Variants in MSLN observed in about 807,000 individuals in gnomAD.
MSLN encodes the protein CAK1 antigen.
A neutral mutation model predicts 72.6 loss-of-function variants in MSLN; 82 were observed. The ratio of observed to expected loss-of-function variants is 1.13; its 90% CI spans 0.94 to 1.36. MSLN has a LOEUF of 1.36. MSLN is among the 40% of genes most tolerant of loss of function. MSLN has a pLI of 0.00. For synonymous variants in MSLN, 456 were observed against 387.3 expected (o/e 1.18, Z -2.08); for missense variants, 1,005 against 847.9 (o/e 1.19, Z -2.30).
At chr16:767,136 C>A (rs1271684052) in intron 15 of MSLN, 124 bp downstream of exon 15, 1 of 1,450,362 alleles carries the variant, frequency 6.9e-7, no homozygotes, top group East Asian at 2.3e-5. Flanking sequence ...TGGTCACCCG[C>A]CCTCTGCCCC....
At chr16:764,834 C>G (rs2041583076) in intron 7 of MSLN, 73 bp from the exon 8 acceptor site, 1 of 1,587,818 alleles carries the variant, frequency 6.3e-7, no homozygotes, top group African/African-American at 1.3e-5. Flanking sequence ...GATGTGGAGG[C>G]CGGCCGGGCT....
At position 766,358 on chromosome 16, in the gene MSLN, G is replaced by A. The variant is rs746348888; in HGVS notation, c.1098G>A (p.Glu366=). The change falls in exon 13 of 18, where the codon GAG becomes GAA. Residue 366 remains glutamate, a synonymous_variant. Transcript: ENST00000545450. ...LDELYPQGYP[E]SVIQHLGYLF... ...AGCTCTACCCACAAGGTTACCCCGA[G>A]TCTGTGATCCAGCACCTGGGCTACC... The A allele has an allele frequency of 4.3e-6, 7 of 1,612,722 alleles. No individual in the cohort carries two copies. The Admixed American group carries it at 6.7e-5, about 15-fold the overall frequency.
Position 766,229 on chromosome 16 carries a change from C to G in MSLN, c.1066C>G (p.Leu356Val), listed in dbSNP as rs1295077979. ...GCAGCTGGACGTCCTAAAGCATAAA[C>G]TGGATGAGGTAGTTCATGACTCAAG... ...YEQLDVLKHK[L>V]DELYPQGYPE... The change falls in exon 12 of 18, where the codon CTG becomes GTG. Residue 356 changes from leucine to valine, a missense_variant. Physicochemically the swap from Leu to Val is conservative, Grantham distance 32. Transcript: ENST00000545450. 1.2e-6 allele frequency: 2 copies of G among 1,610,512 alleles called. No homozygotes were observed. Among genetic ancestry groups the G allele is most frequent in the African/African-American group, 1.3e-5 (1 of 75,012 alleles).
chr16:764,501 C>A, intron 6 of MSLN, 146 bp from the exon 7 acceptor site: 1 of 799,026 alleles, frequency 1.3e-6, no homozygotes, highest in Non-Finnish European at 2.2e-6. Context: ...CCCAGGGCAG[C>A]GCTGCAGGCG....
rs1401166148 is a variant in MSLN, at chr16:766,894, G to T, written c.1383G>T (p.Arg461Ser). The T allele has an allele frequency of 6.2e-7, 1 of 1,612,404 alleles. No homozygotes were observed. Among genetic ancestry groups the T allele is most frequent in the African/African-American group, 1.3e-5 (1 of 74,892 alleles). Residue 461 changes from arginine to serine, a missense_variant, in exon 15 of 18, where the codon AGG (arginine) becomes AGT (serine). Physicochemically the swap from Arg to Ser is moderately radical, Grantham distance 110 (BLOSUM62 -1). Coordinates refer to ENST00000545450, the MANE Select transcript of MSLN (RefSeq NM_005823.6). Reference sequence around the variant, plus strand: ...CCCACCGTGTCCCCAGGGCGGTCAGGCCCCAGGACCTGGACACGTGTGACC... The same window carrying T: ...CCCACCGTGTCCCCAGGGCGGTCAGTCCCCAGGACCTGGACACGTGTGACC... ...SVPPSSIWAVRPQDLDTCDPR... is the reference protein window; with the variant it reads ...SVPPSSIWAVSPQDLDTCDPR...
Position 762,685 on chromosome 16 carries a change from C to T in MSLN, c.5C>T (p.Ala2Val), listed in dbSNP as rs1265186235. 1.2e-6 allele frequency: 2 copies of T among 1,611,684 alleles called. No individual in the cohort carries two copies. Among genetic ancestry groups the T allele is most frequent in the African/African-American group, 1.3e-5 (1 of 74,890 alleles). ...TGCCCTCCACAGACACAGACCATGGCCTTGCCAACGGCTCGACCCCTGTTG... is the reference window on the plus strand; with the variant it reads ...TGCCCTCCACAGACACAGACCATGGTCTTGCCAACGGCTCGACCCCTGTTG... The part of the protein sequence containing the change: M[A>V]LPTARPLLGS... The change falls in exon 3 of 18, where the codon GCC becomes GTC. Residue 2 changes from alanine to valine, a missense_variant. By Grantham distance (64) the Ala-to-Val change is moderately conservative. Transcript: ENST00000545450.
At chr16:762,389 G>A (rs1220566399) in intron 2 of MSLN, 2 of 472,218 alleles carry the variant, frequency 4.2e-6, no homozygotes, top group Non-Finnish European at 7.6e-6. Context: ...TGCTCACACT[G>A]CCCTGCCCTT....
At chr16:763,778 A>ATCCCATCCCCG (rs148293093) in intron 5 of MSLN, 87 bp downstream of exon 5, 2 of 690,488 alleles carry the variant, frequency 2.9e-6, no homozygotes, top group African/African-American at 3.6e-5. Flanking sequence ...ATCCCCCAGC[A>ATCCCATCCCCG]TCCCCTCCCC....
chr16:762,804 C>G, intron 3 of MSLN, 39 bp downstream of exon 3: 1 of 1,490,410 alleles, frequency 6.7e-7, no homozygotes, highest in Non-Finnish European at 9.0e-7. Flanking sequence ...GTGGGGACGG[C>G]CCAGGGGCCT....
intron 16 of MSLN, among the ~76,000 whole-genome samples, chr16:768,055 AGGAGGGGCACAT>A (rs2041661961): frequency 1.7e-5 from 1 of 59,930 alleles, no homozygotes; most frequent in East Asian, 5.3e-4. Flanking sequence ...GGGCGCGTGG[AGGAGGGGCACAT>A]GGAGGGGGGG....
chr16:762,008 C>T (rs114014995), intron 2 of MSLN, among the ~76,000 whole-genome samples: 2 of 152,208 alleles, frequency 1.3e-5, no homozygotes, highest in Admixed American at 6.5e-5. Context: ...CACCCACTTC[C>T]CCACCCCACA....
intron 3 of MSLN, 27 bp downstream of exon 3, chr16:762,792 AGGTGGGGACG>A: frequency 1.3e-6 from 2 of 1,538,746 alleles, no homozygotes; most frequent in Non-Finnish European, 1.7e-6. Flanking sequence ...GCTGCTGGTG[AGGTGGGGACG>A]GCCCAGGGGC....
Position 765,205 on chromosome 16 carries a change from A to G in MSLN, c.606A>G (p.Glu202=). The change falls in exon 9 of 18, where the codon GAA becomes GAG. Residue 202 remains glutamate (E), a synonymous_variant. Transcript: ENST00000545450. ...LPGRFVAESA[E]VLLPRLVSCP... The stretch of plus-strand genomic sequence containing the variant: ...GGCGCTTTGTGGCCGAGTCGGCCGA[A>G]GTGCTGCTACCCCGGCTGGTGAGCT... The G allele has an allele frequency of 6.3e-7, 1 of 1,591,450 alleles. No homozygotes were observed. The highest frequency in any genetic ancestry group is 8.5e-7 in the Non-Finnish European group (1 of 1,174,720).
chr16:767,942 C>T (rs1225771004), intron 16 of MSLN, among the ~76,000 whole-genome samples: 1 of 15,360 alleles, frequency 6.5e-5, no homozygotes, highest in Non-Finnish European at 1.0e-4. Flanking sequence ...GGAGGGGTCG[C>T]GTGGAGGAGG....
rs796379810 is a variant in MSLN at position 763,203 on chromosome 16, T to TC, written c.86-25dup. The TC allele has an allele frequency of 1.2e-5, 17 of 1,438,820 alleles. No individual in the cohort carries two copies. In the African/African-American group the frequency reaches 2.4e-4, roughly 21 times the overall value. 89.1% of individuals were successfully genotyped at this position (1,438,820 alleles called of 1,614,324 possible). A position where few individuals can be genotyped will look rare whatever the true frequency, so the allele number is the denominator to read the frequency against. The stretch of plus-strand genomic sequence containing the variant: ...GGGCACAGCCCAGAGGCCCGCCCCC[T>TC]CCCCCAAGCTGTCCCCTCTGCCCCT... On this transcript the variant is annotated intron_variant, in intron 3 of 17. Transcript: ENST00000545450.
Position 767,418 on chromosome 16 carries a change from A to G in MSLN, c.1544A>G (p.Asn515Ser). 6.4e-7 allele frequency: 1 copy of G among 1,572,700 alleles called. No homozygotes were observed. Among genetic ancestry groups the G allele is most frequent in the Non-Finnish European group, 8.6e-7 (1 of 1,158,760 alleles). ...TEDLKALSQQ[N>S]VSMDLATFMK... Reference sequence around the variant, plus strand: ...GATTTGAAGGCGCTCAGTCAGCAGAATGTGAGCATGGACTTGGCCACGTTC... The same window carrying G: ...GATTTGAAGGCGCTCAGTCAGCAGAGTGTGAGCATGGACTTGGCCACGTTC... Residue 515 changes from asparagine to serine, a missense_variant, in exon 16 of 18, where the codon AAT becomes AGT. Transcript: ENST00000545450.
At chr16:767,287 G>A (rs1294671011) in intron 15 of MSLN, 89 bp from the exon 16 acceptor site, 1 of 1,288,030 alleles carries the variant, frequency 7.8e-7, no homozygotes, top group African/African-American at 1.5e-5. Flanking sequence ...GGGAAGCCCT[G>A]TAAGGCAAGT....
intron 11 of MSLN, 65 bp downstream of exon 11, chr16:765,855 T>A: frequency 6.7e-7 from 1 of 1,488,932 alleles, no homozygotes; most frequent in Admixed American, 1.9e-5. Flanking sequence ...TGGGCATCAC[T>A]TTAGGGTCTC....
Position 768,501 on chromosome 16 carries a change from G to T in MSLN, c.1719G>T (p.Thr573=), listed in dbSNP as rs147699413. The change falls in exon 17 of 18, where the codon ACG becomes ACT. Residue 573 remains threonine, a synonymous_variant. Transcript: ENST00000545450. The part of the protein sequence containing the change: ...ILRQRQDDLD[T]LGLGLQGGIP... The stretch of plus-strand genomic sequence containing the variant: ...GGCAGCGGCAGGACGACCTGGACAC[G>T]CTGGGGCTGGGGCTACAGGGCGGCA... 1.5e-5 allele frequency: 24 copies of T among 1,589,472 alleles called. No homozygotes were observed. Among genetic ancestry groups the T allele is most frequent in the Non-Finnish European group, 2.0e-5 (23 of 1,166,330 alleles).
Sources: allele counts gnomAD v4.1 joint callset (sites outside exome capture counted in the v4.1 genomes callset), GRCh38; gene constraint gnomAD v4.1.1; transcripts MANE v1.5; gene names NCBI Gene and HGNC (gene_info 2026-07-23, HGNC 2026-07-21).